ITGAL: variants seen among roughly 807,000 people sequenced by gnomAD.
ITGAL encodes the protein integrin subunit alpha L.
A neutral mutation model predicts 138.4 loss-of-function variants in ITGAL; 68 were observed. That is an observed-to-expected ratio of 0.49 (90% confidence interval 0.40 to 0.60). The LOEUF (loss-of-function observed/expected upper bound fraction) is 0.60, where lower values mean the gene tolerates loss of function less well. Among genes scored for constraint, ITGAL ranks in the 20% least tolerant of loss-of-function variants. The pLI is 0.00. For synonymous variants in ITGAL, 561 were observed against 584.3 expected (o/e 0.96, Z 0.57); for missense variants, 1,256 against 1,478.6 (o/e 0.85, Z 2.47).
chr16:30,518,855 G>A (rs1250504296), intron 29 of ITGAL, 136 bp downstream of exon 29: 1 of 680,814 alleles, frequency 1.5e-6, no homozygotes, highest in East Asian at 2.7e-5. Context: ...ATCAGCCTGG[G>A]AGAAGCTTCT....
rs1471486493 is a variant in ITGAL at position 30,504,175 on chromosome 16, G to A, written c.2146G>A (p.Val716Ile). 1.2e-6 allele frequency: 2 copies of A among 1,609,172 alleles called. No homozygotes were observed. The highest frequency in any genetic ancestry group is 1.7e-6 in the Non-Finnish European group (2 of 1,175,584). ...TAGGCTGTATTCTTATCACCCTCAG[G>A]TATGTGTTCAAGACCTCATCTCCCC... is the stretch of plus-strand genomic sequence containing the variant. ...SCTDFSFHFP[V>I]CVQDLISPIN... The change falls in exon 18 of 31, where the codon GTA (valine) becomes ATA (isoleucine). Residue 716 changes from valine (V) to isoleucine (I), a missense_variant and splice_region_variant. Physicochemically the swap from Val to Ile is conservative, Grantham distance 29. Coordinates refer to ENST00000356798, the MANE Select transcript of ITGAL (RefSeq NM_002209.3).
At chr16:30,504,413 A>G in intron 18 of ITGAL, 149 bp downstream of exon 18, 1 of 639,926 alleles carries the variant, frequency 1.6e-6, no homozygotes, top group Non-Finnish European at 2.8e-6. Context: ...GGGGTTCAGG[A>G]CCAGCCTGGC....
Position 30,494,805 on chromosome 16 carries a change from T to C in ITGAL, c.1458T>C (p.Tyr486=). ...ELLLIGAPLF[Y]GEQRGGRVFI... is the part of the protein sequence containing the mutation. ...TGCTGATTGGTGCCCCACTGTTCTA[T>C]GGGGAGCAGAGAGGAGGCCGGGTGT... Residue 486 remains tyrosine (Y), a synonymous_variant, in exon 13 of 31, where the codon TAT becomes TAC. Transcript: ENST00000356798. The surrounding 1 kb of genome is among the most constrained non-coding windows in gnomAD (Gnocchi z 4.2). 3 of 1,611,446 alleles carry C rather than the reference T, an allele frequency of 1.9e-6. No individual in the cohort carries two copies. Among genetic ancestry groups the C allele is most frequent in the Non-Finnish European group, 1.7e-6 (2 of 1,178,190 alleles).
rs372117782 is a variant in ITGAL at position 30,505,238 on chromosome 16, G to A, written c.2236-6G>A. 7.5e-6 allele frequency: 12 copies of A among 1,591,870 alleles called. No homozygotes were observed. The highest frequency in any genetic ancestry group is 3.3e-5 in the South Asian group (3 of 89,748). ...CTCTCCATCCTGCCCACTACCCCTC[G>A]CTCAGCAGGGCAAGGACATACCGCC... On this transcript the variant is annotated splice_region_variant and splice_polypyrimidine_tract_variant and intron_variant, in intron 18 of 30. Coordinates refer to ENST00000356798, the MANE Select transcript of ITGAL (RefSeq NM_002209.3).
chr16:30,501,328 C>A (rs562429944), intron 17 of ITGAL, among the ~76,000 whole-genome samples: 15 of 151,952 alleles, frequency 9.9e-5, no homozygotes, highest in African/African-American at 3.6e-4. Flanking sequence ...GTAATCCCAG[C>A]ACTTTGGGAT....
At chr16:30,485,678 A>ATTTTTTTT (rs60648321) in intron 9 of ITGAL, among the ~76,000 whole-genome samples, 3 of 141,150 alleles carry the variant, frequency 2.1e-5, no homozygotes, top group Non-Finnish European at 3.1e-5. Context: ...CACCTGGCTA[A>ATTTTTTTT]TTTTTTTTTT....
chr16:30,481,276 G>A (rs1198737826), intron 6 of ITGAL, 163 bp from the exon 7 acceptor site: 2 of 578,208 alleles, frequency 3.5e-6, no homozygotes, highest in African/African-American at 1.9e-5. Flanking sequence ...AACCCGGGAG[G>A]CAGAGGTTGC....
chr16:30,484,514 G>C (rs539679254), intron 9 of ITGAL, among the ~76,000 whole-genome samples: 1 of 151,738 alleles, frequency 6.6e-6, no homozygotes, highest in African/African-American at 2.4e-5. Flanking sequence ...AGGCTGAGGC[G>C]CAAGAATCGC....
intron 4 of ITGAL, among the ~76,000 whole-genome samples, chr16:30,476,166 G>C (rs1014579620): frequency 2.6e-5 from 4 of 151,956 alleles, no homozygotes; most frequent in Non-Finnish European, 5.9e-5. Context: ...CAGGAGAATG[G>C]TGTGAACCCG....
intron 29 of ITGAL, 43 bp downstream of exon 29, chr16:30,518,762 G>GGA (rs769012323): frequency 7.0e-7 from 1 of 1,421,894 alleles, no homozygotes; most frequent in South Asian, 1.1e-5. Flanking sequence ...GGCAACAGAG[G>GGA]GAGCCCAGGA....
At position 30,479,438 on chromosome 16, in the gene ITGAL, A is replaced by G. The variant is rs1211735844; in HGVS notation, c.553A>G (p.Lys185Glu). 5 of 1,614,010 alleles carry G rather than the reference A, an allele frequency of 3.1e-6. No individual in the cohort carries two copies. In the African/African-American group the frequency reaches 5.3e-5, roughly 17 times the overall value. The change falls in exon 6 of 31, where the codon AAA becomes GAA. Residue 185 changes from lysine to glutamate, a missense_variant. Coordinates refer to ENST00000356798, the MANE Select transcript of ITGAL (RefSeq NM_002209.3). Reference sequence around the variant, plus strand: ...GGACTTCATGAAGGATGTGATGAAGAAACTCAGCAACACTTCGTACCAGGT... The same window carrying G: ...GGACTTCATGAAGGATGTGATGAAGGAACTCAGCAACACTTCGTACCAGGT... ...ILDFMKDVMK[K>E]LSNTSYQFAA...
At position 30,503,938 on chromosome 16, in the gene ITGAL, T is replaced by C. The variant is rs1349271533; in HGVS notation, c.2146-237T>C. ...ACACAGTGGGGGAAAAGTGCTGGGA[T>C]TGATTAGTGATGTCTGCTGGGGAAC... is the stretch of plus-strand genomic sequence containing the variant. On this transcript the variant is annotated intron_variant, in intron 17 of 30. Coordinates refer to ENST00000356798, the MANE Select transcript of ITGAL (RefSeq NM_002209.3). 3 of 375,132 alleles carry C rather than the reference T, an allele frequency of 8.0e-6. No homozygotes were observed. In the South Asian group the frequency reaches 1.3e-4, roughly 16 times the overall value. The allele number at this position is 375,132 out of a possible 1,614,324, so 23.2% of individuals were successfully genotyped here.
At chr16:30,507,558 G>A (rs1413261118) in intron 21 of ITGAL, among the ~76,000 whole-genome samples, 2 of 151,964 alleles carry the variant, frequency 1.3e-5, no homozygotes, top group African/African-American at 4.8e-5. Flanking sequence ...GCTGAGGCAG[G>A]AGAATCGTTT....
intron 1 of ITGAL, among the ~76,000 whole-genome samples, 157 bp downstream of exon 1, chr16:30,473,055 T>C (rs1306262678): frequency 9.5e-5 from 14 of 147,654 alleles, no homozygotes; most frequent in Admixed American, 7.5e-4. Context: ...AAGGGGAGAG[T>C]GGGGAAATAA....
At chr16:30,476,383 G>T (rs1285913194) in intron 4 of ITGAL, among the ~76,000 whole-genome samples, 1 of 152,006 alleles carries the variant, frequency 6.6e-6, no homozygotes, top group Non-Finnish European at 1.5e-5. Flanking sequence ...AAATATCTGT[G>T]ATCATTGATA....
intron 26 of ITGAL, among the ~76,000 whole-genome samples, chr16:30,517,312 G>A (rs2051181091): frequency 1.3e-5 from 2 of 152,082 alleles, no homozygotes; most frequent in South Asian, 2.1e-4. Flanking sequence ...AAATTATCCA[G>A]GCATGCATGG....
At chr16:30,475,867 T>C (rs904697604) in intron 4 of ITGAL, among the ~76,000 whole-genome samples, 1 of 146,396 alleles carries the variant, frequency 6.8e-6, no homozygotes, top group Non-Finnish European at 1.5e-5. Context: ...TCCTCCCACC[T>C]CAGCCTCCCA....
At chr16:30,510,304 T>C in intron 21 of ITGAL, 57 bp from the exon 22 acceptor site, 1 of 1,023,094 alleles carries the variant, frequency 9.8e-7, no homozygotes. Flanking sequence ...GCTGGTGGCC[T>C]CTGGGGGAAA....
At position 30,487,403 on chromosome 16, in the gene ITGAL, T is replaced by A. The variant is rs539048848; in HGVS notation, c.1007-1679T>A. On this transcript the variant is annotated intron_variant, in intron 9 of 30. Coordinates refer to ENST00000356798, the MANE Select transcript of ITGAL (RefSeq NM_002209.3). The stretch of plus-strand genomic sequence containing the variant: ...CCACTGTGCCCAGCCCATGAAGAGG[T>A]TTTTTGTTTTGTTTTGTTTTGTTTT... Among the ~76,000 whole-genome samples, 3 of 151,324 alleles carry A rather than the reference T, an allele frequency of 2.0e-5. No homozygotes were observed. In the East Asian group the frequency reaches 5.9e-4, roughly 30 times the overall value.
Sources: gnomAD v4.1 joint callset for allele counts (sites outside exome capture counted in the v4.1 genomes callset) on GRCh38, gnomAD v4.1.1 for gene constraint, Gnocchi (gnomAD v3.1) non-coding constraint, MANE v1.5 for transcripts, NCBI Gene and HGNC (gene_info 2026-07-23, HGNC 2026-07-21) for gene names.